The following ERBB4 variants were observed in gnomAD, a reference collection of about 807,000 sequenced individuals.
ERBB4 encodes the protein receptor tyrosine-protein kinase erbB-4.
A neutral mutation model predicts 158.0 loss-of-function variants in ERBB4; 42 were observed. The observed-to-expected ratio is 0.27, with a 90% CI of 0.21 to 0.34. ERBB4 has a LOEUF of 0.34. Among genes scored for constraint, ERBB4 ranks in the 10% least tolerant of loss-of-function variants. ERBB4 has a pLI of 1.00. For synonymous variants in ERBB4, 583 were observed against 558.7 expected, an observed-to-expected ratio of 1.04 and a Z score of -0.61; for missense variants, 1,333 against 1,624.1, an observed-to-expected ratio of 0.82 and a Z score of 3.08.
At chr2:212,450,171 A>C (rs549647160) in intron 1 of ERBB4, among the ~76,000 whole-genome samples, 2 of 152,294 alleles carry the variant, frequency 1.3e-5, no homozygotes, top group Admixed American at 1.3e-4. Flanking sequence ...ATAATAACCT[A>C]AATAGCAACA....
intron 20 of ERBB4, among the ~76,000 whole-genome samples, chr2:211,504,183 G>T (rs2065687469): frequency 6.6e-6 from 1 of 152,044 alleles, no homozygotes; most frequent in South Asian, 2.1e-4. Context: ...AATTTCTGCA[G>T]ACAGAAGTGC....
At position 211,556,165 on chromosome 2, in the gene ERBB4, CCAAAAAAGAT is replaced by C. The variant is rs2067232488; in HGVS notation, c.2487+5728_2487+5737del. Among the ~76,000 whole-genome samples the C allele has an allele frequency of 2.0e-5, 3 of 151,894 alleles. No homozygotes were observed. The South Asian group carries it at 6.2e-4, about 32-fold the overall frequency. On this transcript the variant is annotated intron_variant, in intron 20 of 27. Coordinates refer to ENST00000342788, the MANE Select transcript of ERBB4 (RefSeq NM_005235.3). Reference sequence around the variant, plus strand: ...AATTTCAGAAAAAATAGACTATAAACCAAAAAAGATCAAAAAAGACAAAAAGGGGCATTAC... The same window carrying C: ...AATTTCAGAAAAAATAGACTATAAACCAAAAAAGACAAAAAGGGGCATTAC...
At chr2:212,232,315 G>A (rs2083695096) in intron 1 of ERBB4, among the ~76,000 whole-genome samples, 2 of 152,124 alleles carry the variant, frequency 1.3e-5, no homozygotes, top group Non-Finnish European at 2.9e-5. Flanking sequence ...TTTCAAAGAA[G>A]AAATGCTGTT....
In ERBB4 at chr2:211,623,909, G is replaced by T. The variant is rs1394459370; in HGVS notation, c.2202+13C>A. Reference sequence around the variant, plus strand: ...CAAAACTTAACTAACGATATGCGTTGTTTTTTACTTACTTTATAAACCGTT... The same window carrying T: ...CAAAACTTAACTAACGATATGCGTTTTTTTTTACTTACTTTATAAACCGTT... On this transcript the variant is annotated intron_variant, in intron 18 of 27. Coordinates refer to ENST00000342788, the MANE Select transcript of ERBB4 (RefSeq NM_005235.3). The T allele has an allele frequency of 6.2e-7, 1 of 1,613,492 alleles. No homozygotes were observed. The highest frequency in any genetic ancestry group is 2.2e-5 in the East Asian group (1 of 44,872).
chr2:212,134,828 C>T (rs151242751), intron 1 of ERBB4, among the ~76,000 whole-genome samples: 219 of 151,884 alleles, frequency 1.4e-3, no homozygotes, highest in African/African-American at 5.1e-3. Context: ...GGACTACAGG[C>T]GCCCGCCACC....
rs563134402 is a variant in ERBB4 at position 211,910,249 on chromosome 2, A to G, written c.421+37181T>C. Among the ~76,000 whole-genome samples, 5 of 151,612 alleles carry G rather than the reference A, an allele frequency of 3.3e-5. 1 individual carries two copies. The highest frequency in any genetic ancestry group is 3.9e-4 in the East Asian group (2 of 5,070). ...ATAAATTTAAATTGTTCATATTTGCAGATGATTAGCTTATAGTTTAATTCT... is the reference window on the plus strand; with the variant it reads ...ATAAATTTAAATTGTTCATATTTGCGGATGATTAGCTTATAGTTTAATTCT... On this transcript the variant is annotated intron_variant, in intron 3 of 27. Coordinates refer to ENST00000342788, the MANE Select transcript of ERBB4 (RefSeq NM_005235.3).
chr2:211,590,099 A>G (rs1559327895), intron 19 of ERBB4, among the ~76,000 whole-genome samples: 1 of 151,628 alleles, frequency 6.6e-6, no homozygotes, highest in Non-Finnish European at 1.5e-5. Flanking sequence ...GGATAACCAC[A>G]TTTTCCAGAT....
intron 19 of ERBB4, among the ~76,000 whole-genome samples, chr2:211,581,533 C>CT (rs887799338): frequency 7.9e-5 from 12 of 152,028 alleles, no homozygotes; most frequent in East Asian, 5.8e-4. Context: ...AGATTTAAAA[C>CT]TTTTTTTTGT....
chr2:211,552,143 A>C (rs1331145750), intron 20 of ERBB4, among the ~76,000 whole-genome samples: 3 of 152,110 alleles, frequency 2.0e-5, no homozygotes, highest in Non-Finnish European at 4.4e-5. Context: ...AAAAATAATC[A>C]GGTTTTATTA....
At chr2:212,002,459 T>G (rs1390777528) in intron 2 of ERBB4, among the ~76,000 whole-genome samples, 1 of 152,130 alleles carries the variant, frequency 6.6e-6, no homozygotes, top group African/African-American at 2.4e-5. Context: ...TCTCTTGTGG[T>G]GGGCAGAGGA....
chr2:211,421,942 A>G, intron 24 of ERBB4, 65 bp downstream of exon 24: 1 of 935,390 alleles, frequency 1.1e-6, no homozygotes, highest in East Asian at 2.4e-5. Context: ...AAGTCCTGAT[A>G]CTACTCATTT....
intron 20 of ERBB4, among the ~76,000 whole-genome samples, chr2:211,461,211 T>G (rs2064521975): frequency 6.6e-6 from 1 of 152,200 alleles, no homozygotes; most frequent in Admixed American, 6.5e-5. Flanking sequence ...TTTTAAATTA[T>G]TGTAAGATAA....
rs1250473625 is a variant in ERBB4 at position 211,725,205 on chromosome 2, C to T, written c.623-11G>A. On this transcript the variant is annotated splice_polypyrimidine_tract_variant and intron_variant, in intron 5 of 27. Coordinates refer to ENST00000342788, the MANE Select transcript of ERBB4 (RefSeq NM_005235.3). ...ACACCGTCCTTGTCACTGCAGAAGACAGAGATAGGACCATGATCAAAGTCT... is the reference window on the plus strand; with the variant it reads ...ACACCGTCCTTGTCACTGCAGAAGATAGAGATAGGACCATGATCAAAGTCT... The T allele has an allele frequency of 6.3e-7, 1 of 1,594,012 alleles. No individual in the cohort carries two copies. Among genetic ancestry groups the T allele is most frequent in the Admixed American group, 1.7e-5 (1 of 59,988 alleles).
chr2:211,583,141 C>A (rs1423590551), intron 19 of ERBB4, among the ~76,000 whole-genome samples: 1 of 151,986 alleles, frequency 6.6e-6, no homozygotes, highest in Non-Finnish European at 1.5e-5. Context: ...TTCTAGTGGA[C>A]AGTGTATTTT....
At chr2:212,274,042 A>G (rs1240258403) in intron 1 of ERBB4, among the ~76,000 whole-genome samples, 1 of 151,806 alleles carries the variant, frequency 6.6e-6, no homozygotes, top group Non-Finnish European at 1.5e-5. Context: ...TGCATGTTAC[A>G]TGTGTTACAT....
intron 4 of ERBB4, among the ~76,000 whole-genome samples, chr2:211,775,781 C>A (rs2075857534): frequency 6.6e-6 from 1 of 152,214 alleles, no homozygotes; most frequent in South Asian, 2.1e-4. Flanking sequence ...CCTCCTTGAG[C>A]CCTCAGATTT....
At chr2:211,495,909 A>G (rs892515093) in intron 20 of ERBB4, among the ~76,000 whole-genome samples, 10 of 152,156 alleles carry the variant, frequency 6.6e-5, no homozygotes, top group African/African-American at 2.4e-4. Context: ...AAACCTATAT[A>G]ACATGCTAAA....
chr2:212,495,519 T>G (rs1251377645), intron 1 of ERBB4, among the ~76,000 whole-genome samples: 1 of 152,226 alleles, frequency 6.6e-6, no homozygotes, highest in African/African-American at 2.4e-5. Context: ...TTAAACCATC[T>G]GGTCCCAAGT....
chr2:212,482,371 T>G (rs555893391), intron 1 of ERBB4, among the ~76,000 whole-genome samples: 3 of 152,170 alleles, frequency 2.0e-5, no homozygotes, highest in African/African-American at 7.2e-5. Context: ...TAAGAGGAAA[T>G]GTGGTATATC....
Sources: allele counts gnomAD v4.1 joint callset (sites outside exome capture counted in the v4.1 genomes callset), GRCh38; gene constraint gnomAD v4.1.1; transcripts MANE v1.5; gene names NCBI Gene and HGNC (gene_info 2026-07-23, HGNC 2026-07-21).